MROH9: variants seen among roughly 807,000 people sequenced by gnomAD.
MROH9 encodes the protein maestro heat like repeat family member 9, also known as maestro heat-like repeat-containing protein family member 9.
A neutral mutation model predicts 98.2 loss-of-function variants in MROH9; 92 were observed. That is an observed-to-expected ratio of 0.94 (90% CI 0.79 to 1.11). MROH9 has a LOEUF of 1.11. Ranked by LOEUF, MROH9 falls within the 50% of genes most tolerant of loss-of-function variation. The pLI is 0.00. For synonymous variants in MROH9, 397 were observed against 368.9 expected (o/e 1.08, Z -0.87); for missense variants, 1,057 against 1,014.8 (o/e 1.04, Z -0.57).
chr1:170,974,567 A>C (rs1473918221), intron 8 of MROH9, among the ~76,000 whole-genome samples: 2 of 152,092 alleles, frequency 1.3e-5, no homozygotes, highest in Non-Finnish European at 2.9e-5. Context: ...ACCAGTAGAA[A>C]TATCTTTCAA....
At chr1:171,046,836 C>T (rs1401910955) in intron 20 of MROH9, among the ~76,000 whole-genome samples, 2 of 152,140 alleles carry the variant, frequency 1.3e-5, no homozygotes, top group East Asian at 1.9e-4. Flanking sequence ...TTTAGCATTT[C>T]TTGTAAGACA....
chr1:171,036,612 G>A (rs926796654), intron 20 of MROH9, among the ~76,000 whole-genome samples: 1 of 151,718 alleles, frequency 6.6e-6, no homozygotes, highest in South Asian at 2.1e-4. Context: ...CCTATTATTA[G>A]TAATATCAGA....
chr1:171,044,197 C>G (rs761833655), intron 20 of MROH9, among the ~76,000 whole-genome samples: 1 of 152,090 alleles, frequency 6.6e-6, no homozygotes, highest in Admixed American at 6.5e-5. Flanking sequence ...TTATCAAATG[C>G]TTCTTCAGCA....
intron 20 of MROH9, among the ~76,000 whole-genome samples, chr1:171,049,000 T>C (rs1166792756): frequency 2.0e-5 from 3 of 152,154 alleles, no homozygotes; most frequent in Non-Finnish European, 4.4e-5. Context: ...TATCCTACTG[T>C]GGCTGAGCTG....
chr1:170,987,473 G>A (rs915870667), intron 10 of MROH9, among the ~76,000 whole-genome samples: 5 of 152,182 alleles, frequency 3.3e-5, no homozygotes, highest in African/African-American at 1.2e-4. Flanking sequence ...AGCACATGCA[G>A]TGTTCGCCTT....
At chr1:171,028,626 C>T (rs998516781) in intron 20 of MROH9, among the ~76,000 whole-genome samples, 1 of 152,148 alleles carries the variant, frequency 6.6e-6, no homozygotes, top group African/African-American at 2.4e-5. Flanking sequence ...GCAGTATGGC[C>T]ATTTTCACAA....
intron 20 of MROH9, among the ~76,000 whole-genome samples, chr1:171,028,619 G>T (rs1338874056): frequency 2.0e-5 from 3 of 152,190 alleles, no homozygotes; most frequent in African/African-American, 7.2e-5. Flanking sequence ...AACTTGGGCA[G>T]TATGGCCATT....
chr1:171,005,390 T>G (rs1334218950), intron 15 of MROH9, among the ~76,000 whole-genome samples: 2 of 152,176 alleles, frequency 1.3e-5, no homozygotes, highest in Non-Finnish European at 2.9e-5. Context: ...ATTTTAACAA[T>G]TTTAATTCTT....
chr1:171,024,303 G>GT lies in MROH9; in HGVS notation c.1909-92_1909-91insT, dbSNP rs1553219583. On this transcript the variant is annotated intron_variant, in intron 17 of 21. Coordinates refer to ENST00000367759, the MANE Select transcript of MROH9 (RefSeq NM_001163629.2). Reference sequence around the variant, plus strand: ...ATACATATATAGTATATTTATATGGGGTGTGTGTGTGTGTGTGTGTGTGTG... The same window carrying GT: ...ATACATATATAGTATATTTATATGGGTGTGTGTGTGTGTGTGTGTGTGTGTG... 1.3e-3 allele frequency: 871 copies of GT among 669,908 alleles called. 1 individual carries two copies. Among genetic ancestry groups the GT allele is most frequent in the South Asian group, 5.2e-3 (273 of 52,274 alleles). 41.5% of individuals were successfully genotyped at this position (669,908 alleles called of 1,614,324 possible). A position where few individuals can be genotyped will look rare whatever the true frequency, so the allele number is the denominator to read the frequency against.
At chr1:171,047,384 A>T (rs1053708985) in intron 20 of MROH9, among the ~76,000 whole-genome samples, 2 of 151,950 alleles carry the variant, frequency 1.3e-5, no homozygotes, top group African/African-American at 4.8e-5. Context: ...TCTATTTTCA[A>T]ATAGGCTGCC....
At chr1:170,989,499 C>CA (rs1427507562) in intron 10 of MROH9, among the ~76,000 whole-genome samples, 1 of 152,166 alleles carries the variant, frequency 6.6e-6, no homozygotes, top group East Asian at 1.9e-4. Context: ...ACTGTAGCTC[C>CA]ATTGTTATTC....
chr1:171,036,690 T>A (rs1442962173), intron 20 of MROH9, among the ~76,000 whole-genome samples: 2 of 150,066 alleles, frequency 1.3e-5, no homozygotes, highest in East Asian at 3.9e-4. Flanking sequence ...TTGTCACAAA[T>A]GCAACAGCAA....
chr1:171,029,280 G>T (rs570274287), intron 20 of MROH9, among the ~76,000 whole-genome samples: 1 of 151,540 alleles, frequency 6.6e-6, no homozygotes, highest in African/African-American at 2.4e-5. Flanking sequence ...GCACAATCTC[G>T]GCTCACTGCA....
intron 20 of MROH9, among the ~76,000 whole-genome samples, chr1:171,027,861 G>A (rs1652773631): frequency 6.6e-6 from 1 of 152,154 alleles, no homozygotes; most frequent in South Asian, 2.1e-4. Context: ...CTTTTCAGAA[G>A]TGTCTATTCA....
At chr1:171,018,204 T>G (rs1038620608) in intron 17 of MROH9, among the ~76,000 whole-genome samples, 1 of 152,144 alleles carries the variant, frequency 6.6e-6, no homozygotes, top group East Asian at 1.9e-4. Context: ...CCATCTTTGC[T>G]GTTCTCCAGA....
chr1:170,937,464 CATAATT>C (rs1421465121), intron 1 of MROH9, among the ~76,000 whole-genome samples: 1 of 150,972 alleles, frequency 6.6e-6, no homozygotes, highest in African/African-American at 2.4e-5. Flanking sequence ...AGGAAATACT[CATAATT>C]ATTACAGTCT....
intron 6 of MROH9, among the ~76,000 whole-genome samples, chr1:170,964,293 C>T (rs978115311): frequency 2.0e-5 from 3 of 152,038 alleles, no homozygotes. Context: ...ACCTACCATG[C>T]CTAAAAGCTT....
intron 3 of MROH9, among the ~76,000 whole-genome samples, chr1:170,951,144 T>C (rs1649539264): frequency 6.6e-6 from 1 of 152,048 alleles, no homozygotes; most frequent in African/African-American, 2.4e-5. Flanking sequence ...GTTAGAGAAG[T>C]AGAGTAGTCC....
At chr1:171,043,815 T>C (rs1258782462) in intron 20 of MROH9, among the ~76,000 whole-genome samples, 1 of 152,146 alleles carries the variant, frequency 6.6e-6, no homozygotes, top group Non-Finnish European at 1.5e-5. Context: ...TTTCGTATGT[T>C]GATTTTTGTA....
Sources: gnomAD v4.1 joint callset for allele counts (sites outside exome capture counted in the v4.1 genomes callset) on GRCh38, gnomAD v4.1.1 for gene constraint, MANE v1.5 for transcripts, NCBI Gene and HGNC (gene_info 2026-07-23, HGNC 2026-07-21) for gene names.